Variants in ADGRG4 observed in about 807,000 individuals in gnomAD.
ADGRG4 encodes G protein-coupled receptor 112.
Under a neutral mutation model 126.2 loss-of-function variants are expected in ADGRG4, and 122 were observed. The ratio of observed to expected loss-of-function variants is 0.97; its 90% CI spans 0.83 to 1.12. The LOEUF is 1.12. ADGRG4 is among the 50% of genes most tolerant of loss of function. The pLI, the probability that ADGRG4 is intolerant of heterozygous loss-of-function variation, is 0.00. For missense variants in ADGRG4, 2,481 were observed against 2,251.8 expected, an observed-to-expected ratio of 1.10 and a Z score of -2.06; for synonymous variants, 943 against 838.7, an observed-to-expected ratio of 1.12 and a Z score of -2.15.
intron 15 of ADGRG4, among the ~76,000 whole-genome samples, chrX:136,381,699 TAC>T (rs779999953): frequency 1.8e-5 from 2 of 110,172 alleles, no homozygotes; most frequent in African/African-American, 6.6e-5. Flanking sequence ...TGTATATAAA[TAC>T]ACACACACAC....
intron 22 of ADGRG4, 135 bp downstream of exon 22, chrX:136,403,457 A>G: frequency 2.3e-6 from 1 of 444,427 alleles, no homozygotes; most frequent in Non-Finnish European, 3.8e-6. Flanking sequence ...TGCCCTAAAC[A>G]TAGGCCACAT....
intron 4 of ADGRG4, among the ~76,000 whole-genome samples, chrX:136,310,105 T>G: frequency 9.0e-6 from 1 of 110,620 alleles, no homozygotes; most frequent in East Asian, 2.8e-4. Context: ...TTTGCATGGG[T>G]TTGCGAGGAA....
chrX:136,314,542 CTT>C (rs780793380), intron 4 of ADGRG4, among the ~76,000 whole-genome samples: 2 of 111,626 alleles, frequency 1.8e-5, no homozygotes, highest in Non-Finnish European at 3.8e-5. Flanking sequence ...TACCCTGGCT[CTT>C]TTTTCATCCC....
chrX:136,331,043 C>T (rs1461920376), intron 5 of ADGRG4, among the ~76,000 whole-genome samples: 1 of 109,900 alleles, frequency 9.1e-6, no homozygotes, highest in East Asian at 2.8e-4. Context: ...TCTTTATATC[C>T]ATGAGTTCAA....
At chrX:136,382,077 A>G (rs1265518368) in intron 15 of ADGRG4, among the ~76,000 whole-genome samples, 1 of 111,433 alleles carries the variant, frequency 9.0e-6, no homozygotes, top group Non-Finnish European at 1.9e-5. Flanking sequence ...CTTCAATCCA[A>G]TCAAGTTGAC....
At chrX:136,380,598 CTCCTCCTCTTCTTCT>C (rs1327001327) in intron 15 of ADGRG4, among the ~76,000 whole-genome samples, 3 of 70,888 alleles carry the variant, frequency 4.2e-5, no homozygotes, top group Admixed American at 1.4e-4. Context: ...CCTCCTCCTC[CTCCTCCTCTTCTTCT>C]TCTTCTTCTT....
intron 5 of ADGRG4, among the ~76,000 whole-genome samples, chrX:136,334,132 CTTTCTT>C (rs1174012823): frequency 5.5e-5 from 4 of 72,123 alleles, no homozygotes; most frequent in Non-Finnish European, 1.1e-4. Flanking sequence ...TTCTTTCTTT[CTTTCTT>C]TTTCTTTTTC....
intron 20 of ADGRG4, among the ~76,000 whole-genome samples, chrX:136,399,086 A>C (rs1368357943): frequency 8.9e-6 from 1 of 112,071 alleles, no homozygotes; most frequent in Non-Finnish European, 1.9e-5. Flanking sequence ...GGTGAAATCT[A>C]TGGGGATAGA....
intron 15 of ADGRG4, among the ~76,000 whole-genome samples, chrX:136,382,703 C>T (rs749452064): frequency 1.2e-3 from 139 of 111,684 alleles, no homozygotes; most frequent in African/African-American, 4.1e-3. Context: ...ACCTTACCTC[C>T]GTTGTAGAGT....
At chrX:136,378,418 C>A in intron 15 of ADGRG4, among the ~76,000 whole-genome samples, 1 of 111,295 alleles carries the variant, frequency 9.0e-6, no homozygotes, top group Non-Finnish European at 1.9e-5. Flanking sequence ...TCCATGTAAG[C>A]CAACATCATG....
At chrX:136,368,427 G>A (rs2075172743) in intron 13 of ADGRG4, among the ~76,000 whole-genome samples, 1 of 111,887 alleles carries the variant, frequency 8.9e-6, no homozygotes, top group Non-Finnish European at 1.9e-5. Context: ...AAGCGGCTTT[G>A]CCAATGATGG....
At chrX:136,330,514 T>C (rs1200289532) in intron 5 of ADGRG4, among the ~76,000 whole-genome samples, 1 of 110,444 alleles carries the variant, frequency 9.1e-6, no homozygotes, top group Non-Finnish European at 1.9e-5. Flanking sequence ...TTTATTCAAT[T>C]ATTCACCTGT....
At chrX:136,338,109 G>A (rs1004656607) in intron 5 of ADGRG4, among the ~76,000 whole-genome samples, 11 of 105,345 alleles carry the variant, frequency 1.0e-4, no homozygotes, top group East Asian at 5.8e-4. Context: ...CATCCAGCTC[G>A]TCTTAAAAAT....
Position 136,400,080 on chromosome X carries a change from C to T in ADGRG4, c.8539C>T (p.Pro2847Ser). ...AGTCAAAGTCTTCAACATATACATT[C>T]CAAATTATATCCTTAAATTTTGTCT... ...ALVKVFNIYIPNYILKFCLVG... is the reference protein window; with the variant it reads ...ALVKVFNIYISNYILKFCLVG... Residue 2847 changes from proline (P) to serine (S), a missense_variant, in exon 21 of 26, where the codon CCA becomes TCA. Pro to Ser is a moderately conservative substitution (Grantham distance 74). Transcript: ENST00000394143. 1.7e-6 allele frequency: 2 copies of T among 1,201,817 alleles called. No individual in the cohort carries two copies. The highest frequency in any genetic ancestry group is 2.3e-6 in the Non-Finnish European group (2 of 886,947).
At chrX:136,352,029 C>A (rs1162018436) in intron 7 of ADGRG4, among the ~76,000 whole-genome samples, 2 of 111,639 alleles carry the variant, frequency 1.8e-5, no homozygotes, top group South Asian at 3.7e-4. Flanking sequence ...ACATTGACAT[C>A]AAAAACCCAG....
intron 15 of ADGRG4, among the ~76,000 whole-genome samples, chrX:136,373,508 C>A (rs751403897): frequency 1.1e-4 from 12 of 111,914 alleles, no homozygotes; most frequent in Non-Finnish European, 2.1e-4. Context: ...TAGCCTTTGG[C>A]ATGTTATAGG....
intron 5 of ADGRG4, among the ~76,000 whole-genome samples, chrX:136,326,604 A>G (rs1200255116): frequency 9.0e-6 from 1 of 111,019 alleles, no homozygotes; most frequent in Non-Finnish European, 1.9e-5. Context: ...TTGATAATTC[A>G]CCTGGGGAAA....
chrX:136,329,382 A>G (rs1288135389), intron 5 of ADGRG4, among the ~76,000 whole-genome samples: 1 of 112,130 alleles, frequency 8.9e-6, no homozygotes, highest in Non-Finnish European at 1.9e-5. Context: ...CCAGCTCCCA[A>G]TGATTACAAT....
intron 21 of ADGRG4, among the ~76,000 whole-genome samples, chrX:136,402,941 T>G (rs1312967368): frequency 8.9e-6 from 1 of 111,967 alleles, no homozygotes; most frequent in Non-Finnish European, 1.9e-5. Flanking sequence ...GATGCGAACT[T>G]GCATTCCACT....
Sources: allele counts gnomAD v4.1 joint callset (sites outside exome capture counted in the v4.1 genomes callset), GRCh38; gene constraint gnomAD v4.1.1; transcripts MANE v1.5; gene names NCBI Gene and HGNC (gene_info 2026-07-23, HGNC 2026-07-21).